NAV3: variants seen among roughly 807,000 people sequenced by gnomAD.
The protein encoded by NAV3 is neuron navigator 3.
NAV3 carries 87 observed loss-of-function variants against 244.7 expected under a neutral mutation model. The ratio of observed to expected loss-of-function variants is 0.36; its 90% CI spans 0.30 to 0.42. NAV3 has a LOEUF of 0.42. NAV3 is among the 20% of genes least tolerant of loss of function. The pLI is 1.00. For synonymous variants in NAV3, 1,126 were observed against 1,042.2 expected, an observed-to-expected ratio of 1.08 and a Z score of -1.55; for missense variants, 2,663 against 2,893.3, an observed-to-expected ratio of 0.92 and a Z score of 1.83.
rs1592666060 is a variant in NAV3 at position 77,770,212 on chromosome 12, A to G, written c.73-170107A>G. ...GTTCTTTACTTTATGAGAAGGAATA[A>G]TGACACTGAGGAGAATATTTGTAGG... On this transcript the variant is annotated intron_variant, in intron 2 of 8. Coordinates refer to the NAV3 transcript ENST00000550042. Among the ~76,000 whole-genome samples the G allele has an allele frequency of 1.3e-5, 2 of 152,280 alleles. 1 individual carries two copies. The highest frequency in any genetic ancestry group is 4.1e-4 in the South Asian group (2 of 4,826).
At chr12:78,016,278 G>T (rs1442050456) in intron 8 of NAV3, among the ~76,000 whole-genome samples, 1 of 151,652 alleles carries the variant, frequency 6.6e-6, no homozygotes, top group African/African-American at 2.4e-5. Flanking sequence ...CACATACATT[G>T]AAGCATTATT....
intron 2 of NAV3, among the ~76,000 whole-genome samples, chr12:77,595,979 C>A (rs1870149381): frequency 6.6e-6 from 1 of 152,086 alleles, no homozygotes; most frequent in South Asian, 2.1e-4. Context: ...AAGACAATTA[C>A]CTTAAATTAA....
intron 18 of NAV3, among the ~76,000 whole-genome samples, chr12:78,131,531 T>C (rs981367774): frequency 3.9e-5 from 6 of 152,176 alleles, no homozygotes; most frequent in Non-Finnish European, 5.9e-5. Context: ...TCACCTAAAG[T>C]GCTATAAGCT....
intron 9 of NAV3, among the ~76,000 whole-genome samples, chr12:78,038,995 G>A (rs78202351): frequency 0.013 from 2,052 of 152,044 alleles, 57 homozygotes; most frequent in African/African-American, 0.047. Flanking sequence ...AAAAGAAGCC[G>A]GTATGCCTTG....
chr12:77,895,012 C>A (rs1884410101), intron 1 of NAV3, among the ~76,000 whole-genome samples: 1 of 152,078 alleles, frequency 6.6e-6, no homozygotes, highest in South Asian at 2.1e-4. Context: ...CAAATGCCCC[C>A]ATCTGCAGAG....
At chr12:77,791,098 G>C (rs2135943153) in intron 2 of NAV3, among the ~76,000 whole-genome samples, 1 of 152,296 alleles carries the variant, frequency 6.6e-6, no homozygotes, top group African/African-American at 2.4e-5. Context: ...GCTCATGCCT[G>C]TAGTCCCAGC....
chr12:77,983,501 C>T (rs1030785883), intron 5 of NAV3, among the ~76,000 whole-genome samples: 4 of 152,070 alleles, frequency 2.6e-5, no homozygotes, highest in Non-Finnish European at 4.4e-5. Context: ...CTTTGGCCTT[C>T]GTAGGTTTAA....
At chr12:78,162,894 A>G (rs1957614988) in intron 23 of NAV3, among the ~76,000 whole-genome samples, 1 of 130,054 alleles carries the variant, frequency 7.7e-6, no homozygotes, top group African/African-American at 2.6e-5. Context: ...TATATATAAT[A>G]TATATATAAA....
intron 12 of NAV3, among the ~76,000 whole-genome samples, chr12:78,112,344 A>G (rs761477366): frequency 2.0e-5 from 3 of 152,146 alleles, no homozygotes; most frequent in Non-Finnish European, 4.4e-5. Flanking sequence ...TTTATATCCT[A>G]TTTTTGGGTG....
intron 7 of NAV3, among the ~76,000 whole-genome samples, chr12:78,001,666 G>C (rs1209915481): frequency 6.6e-6 from 1 of 152,110 alleles, no homozygotes; most frequent in Non-Finnish European, 1.5e-5. Context: ...TGAAAAAATA[G>C]TGTGCTCGTT....
At chr12:78,126,684 AATGGG>A (rs1190254335) in intron 16 of NAV3, among the ~76,000 whole-genome samples, 1 of 152,198 alleles carries the variant, frequency 6.6e-6, no homozygotes, top group Non-Finnish European at 1.5e-5. Context: ...CACATGTATA[AATGGG>A]AAATAAACAT....
At chr12:78,065,963 A>T (rs982681680) in intron 12 of NAV3, among the ~76,000 whole-genome samples, 1 of 152,160 alleles carries the variant, frequency 6.6e-6, no homozygotes. Context: ...TTTAACATTT[A>T]TCTCCTTTCC....
chr12:78,200,633 A>G (rs1304145613), intron 38 of NAV3, 42 bp downstream of exon 38: 5 of 1,253,230 alleles, frequency 4.0e-6, no homozygotes, highest in Middle Eastern at 2.9e-4. Context: ...TTTAAAAAAA[A>G]AAAGCAAAAA....
rs180860160 is a variant in NAV3, at chr12:77,808,765, T to C, written c.73-131554T>C. Among the ~76,000 whole-genome samples, 25 of 152,322 alleles carry C rather than the reference T, an allele frequency of 1.6e-4. No homozygotes were observed. In the East Asian group the frequency reaches 4.5e-3, roughly 27 times the overall value. On this transcript the variant is annotated intron_variant, in intron 2 of 8. Transcript: ENST00000550042. ...GCAGGAATGTTTAAGTCTGCTGAAG[T>C]TGTGCCCATAGCCCCCGCTTCCACC...
chr12:77,970,307 A>G (rs1892891073), intron 5 of NAV3, among the ~76,000 whole-genome samples: 1 of 152,182 alleles, frequency 6.6e-6, no homozygotes, highest in African/African-American at 2.4e-5. Context: ...GAAATGACTC[A>G]AACAATTAAA....
At chr12:77,690,557 G>A (rs113210770) in intron 2 of NAV3, among the ~76,000 whole-genome samples, 1 of 151,156 alleles carries the variant, frequency 6.6e-6, no homozygotes, top group African/African-American at 2.4e-5. Context: ...CATCTCTACT[G>A]TAAATGGGGC....
chr12:77,873,679 G>GTGTGTGTATA (rs540390004), intron 1 of NAV3, among the ~76,000 whole-genome samples: 2 of 107,292 alleles, frequency 1.9e-5, no homozygotes, highest in Admixed American at 1.1e-4. Context: ...ATTTGTATGT[G>GTGTGTGTATA]TATATATATA....
At chr12:77,968,958 G>A (rs1892755473) in intron 5 of NAV3, among the ~76,000 whole-genome samples, 2 of 152,040 alleles carry the variant, frequency 1.3e-5, no homozygotes, top group Non-Finnish European at 1.5e-5. Context: ...AAATGTCTTT[G>A]GTGTAAGTAA....
chr12:77,833,981 A>G (rs550482849), intron 1 of NAV3, among the ~76,000 whole-genome samples: 15 of 150,058 alleles, frequency 1.0e-4, no homozygotes, highest in Admixed American at 2.6e-4. Context: ...CCAGCCGCTT[A>G]TGTGTTCCTT....
Sources: gnomAD v4.1 joint callset for allele counts (sites outside exome capture counted in the v4.1 genomes callset) on GRCh38, gnomAD v4.1.1 for gene constraint, MANE v1.5 for transcripts, NCBI Gene and HGNC (gene_info 2026-07-23, HGNC 2026-07-21) for gene names.